Variants in AKAP8L observed in about 807,000 individuals in gnomAD.
AKAP8L encodes the protein A-kinase anchor protein 8-like.
AKAP8L carries 34 observed loss-of-function variants against 77.5 expected under a neutral mutation model. The ratio of observed to expected loss-of-function variants is 0.44; its 90% CI spans 0.33 to 0.58. The LOEUF (loss-of-function observed/expected upper bound fraction) is 0.58. AKAP8L is among the 20% of genes least tolerant of loss of function. AKAP8L has a pLI of 0.02. For synonymous variants in AKAP8L, 342 were observed against 340.7 expected (o/e 1.00, Z -0.04); for missense variants, 806 against 887.6 (o/e 0.91, Z 1.17).
At chr19:15,414,936 C>G (rs1301624069) in intron 1 of AKAP8L, among the ~76,000 whole-genome samples, 2 of 152,218 alleles carry the variant, frequency 1.3e-5, no homozygotes, top group Non-Finnish European at 2.9e-5. Flanking sequence ...ATAGCTGGGA[C>G]TATAGCCACG....
At chr19:15,390,851 T>C (rs1394978076) in intron 12 of AKAP8L, among the ~76,000 whole-genome samples, 1 of 152,166 alleles carries the variant, frequency 6.6e-6, no homozygotes, top group Non-Finnish European at 1.5e-5. Context: ...AGAAAAAGCA[T>C]TTGACAAAGT....
Position 15,380,389 on chromosome 19 carries a change from C to T in AKAP8L, c.1674G>A (p.Glu558=), listed in dbSNP as rs1967379293. The T allele has an allele frequency of 6.3e-7, 1 of 1,584,568 alleles. No homozygotes were observed. Among genetic ancestry groups the T allele is most frequent in the East Asian group, 2.3e-5 (1 of 43,696 alleles). Reference sequence around the variant, plus strand: ...GGGCACCGCCCTCAGCCTCCTCCTGCTCCTTCTCCTCCTCGGGGCTGTCGG... The same window carrying T: ...GGGCACCGCCCTCAGCCTCCTCCTGTTCCTTCTCCTCCTCGGGGCTGTCGG... ...PFTDSPEEEK[E]QEEAEGGALD... is the part of the protein sequence containing the mutation. The change falls in exon 14 of 14, where the codon GAG becomes GAA. Residue 558 remains glutamate (E), a synonymous_variant. Coordinates refer to ENST00000397410, the MANE Select transcript of AKAP8L (RefSeq NM_014371.4).
At chr19:15,383,870 C>T (rs551185175) in intron 12 of AKAP8L, 2 of 150,484 alleles carry the variant, frequency 1.3e-5, no homozygotes, top group East Asian at 2.0e-4. Flanking sequence ...TTTTGTTTCA[C>T]TATTAAATTG....
chr19:15,396,775 CTT>C (rs1473972573), intron 12 of AKAP8L, among the ~76,000 whole-genome samples: 4 of 152,178 alleles, frequency 2.6e-5, no homozygotes, highest in Non-Finnish European at 5.9e-5. Context: ...ACACTTGAAA[CTT>C]AACTGCCTAC....
At chr19:15,412,552 C>G (rs1225288779) in intron 1 of AKAP8L, among the ~76,000 whole-genome samples, 1 of 152,070 alleles carries the variant, frequency 6.6e-6, no homozygotes, top group African/African-American at 2.4e-5. Flanking sequence ...GTTAGAAATA[C>G]ATATATATTT....
In AKAP8L at chr19:15,384,353, G is replaced by A. The variant is rs1052771743; in HGVS notation, c.1537-3741C>T. ...TTGCTCTTGTTGCCCAGGCTGGAGT[G>A]CAATGGCGCGATCTTGGCTCACTGC... On this transcript the variant is annotated intron_variant, in intron 12 of 13. Coordinates refer to ENST00000397410, the MANE Select transcript of AKAP8L (RefSeq NM_014371.4). 4.1e-5 allele frequency among the ~76,000 whole-genome samples: 6 copies of A among 145,406 alleles called. No individual in the cohort carries two copies. In the Admixed American group the frequency reaches 4.2e-4, roughly 10 times the overall value.
intron 12 of AKAP8L, among the ~76,000 whole-genome samples, chr19:15,391,810 T>C (rs919028036): frequency 2.0e-5 from 3 of 152,142 alleles, no homozygotes; most frequent in African/African-American, 7.2e-5. Context: ...GTGTTGGGAT[T>C]ACAGGCATGA....
Position 15,399,263 on chromosome 19 carries a change from A to G in AKAP8L, c.1157+39T>C, listed in dbSNP as rs1475864458. ...CCTGCTCTCCTGGCGGCAGCCCCAC[A>G]GCGAGGCAGAGGCAGAGGGGTGGAG... On this transcript the variant is annotated intron_variant, in intron 9 of 13. Transcript: ENST00000397410. This position sits in a 1 kb window ranked among gnomAD's most constrained non-coding sequence, Gnocchi z 6.1. 6.4e-6 allele frequency: 10 copies of G among 1,560,998 alleles called. No individual in the cohort carries two copies. The African/African-American group carries it at 6.8e-5, about 11-fold the overall frequency.
chr19:15,384,093 G>T (rs1057330884), intron 12 of AKAP8L, among the ~76,000 whole-genome samples: 11 of 150,846 alleles, frequency 7.3e-5, no homozygotes, highest in African/African-American at 2.7e-4. Flanking sequence ...CACCCCACCC[G>T]GCTAATTTTT....
In AKAP8L at chr19:15,399,136, G is replaced by A; in HGVS notation, c.1157+166C>T. 5 of 660,528 alleles carry A rather than the reference G, an allele frequency of 7.6e-6. No individual in the cohort carries two copies. Among genetic ancestry groups the A allele is most frequent in the Non-Finnish European group, 1.3e-5 (5 of 380,370 alleles). 40.9% of individuals were successfully genotyped at this position (660,528 alleles called of 1,614,324 possible). A position where few individuals can be genotyped will look rare whatever the true frequency, so the allele number is the denominator to read the frequency against. ...CGCAGAGGGGCAGGGGATGAGTCAG[G>A]CCTTGGGAGCTGGGCCTGGCGGGAA... On this transcript the variant is annotated intron_variant, in intron 9 of 13. Coordinates refer to ENST00000397410, the MANE Select transcript of AKAP8L (RefSeq NM_014371.4). The surrounding 1 kb of genome is among the most constrained non-coding windows in gnomAD (Gnocchi z 6.1).
chr19:15,418,538 G>A (rs938340977), intron 1 of AKAP8L, among the ~76,000 whole-genome samples: 1 of 152,226 alleles, frequency 6.6e-6, no homozygotes, highest in Non-Finnish European at 1.5e-5. Context: ...CGGCAGCCGA[G>A]CCTGCTGCCT....
chr19:15,388,473 A>G (rs1967586855), intron 12 of AKAP8L, among the ~76,000 whole-genome samples: 1 of 152,198 alleles, frequency 6.6e-6, no homozygotes, highest in South Asian at 2.1e-4. Flanking sequence ...AAACTCAAGT[A>G]GAAGAAGGTA....
intron 12 of AKAP8L, among the ~76,000 whole-genome samples, chr19:15,392,179 T>C (rs1258177701): frequency 6.6e-6 from 1 of 152,214 alleles, no homozygotes; most frequent in East Asian, 1.9e-4. Flanking sequence ...AAACAAATAG[T>C]TCAGTGAGGT....
intron 2 of AKAP8L, among the ~76,000 whole-genome samples, chr19:15,407,050 G>A (rs1968015574): frequency 6.6e-6 from 1 of 152,054 alleles, no homozygotes; most frequent in Non-Finnish European, 1.5e-5. Flanking sequence ...GAGCCCAGGA[G>A]TTTGAGACCA....
At chr19:15,389,941 C>T (rs1474124833) in intron 12 of AKAP8L, among the ~76,000 whole-genome samples, 4 of 151,728 alleles carry the variant, frequency 2.6e-5, no homozygotes, top group African/African-American at 4.8e-5. Context: ...GACTTCTCAG[C>T]GGGGCACGGT....
At position 15,403,844 on chromosome 19, in the gene AKAP8L, T is replaced by C. The variant is rs772331164; in HGVS notation, c.122-129A>G. 4 of 1,076,946 alleles carry C rather than the reference T, an allele frequency of 3.7e-6. No individual in the cohort carries two copies. The highest frequency in any genetic ancestry group is 4.1e-4 in the Middle Eastern group (2 of 4,840). The allele number at this position is 1,076,946 out of a possible 1,614,324, so 66.7% of individuals were successfully genotyped here. Reference sequence around the variant, plus strand: ...GAGAGAAGACCCTAGCCACTGAAGCTAGATGGGCCCTGGTCATTCTGATGA... The same window carrying C: ...GAGAGAAGACCCTAGCCACTGAAGCCAGATGGGCCCTGGTCATTCTGATGA... On this transcript the variant is annotated intron_variant, in intron 3 of 13. Transcript: ENST00000397410. This position sits in a 1 kb window ranked among gnomAD's most constrained non-coding sequence, Gnocchi z 4.3.
rs1411979505 is a variant in AKAP8L at position 15,398,058 on chromosome 19, G to A, written c.1158-203C>T. The A allele has an allele frequency of 1.1e-5, 7 of 609,602 alleles. No individual in the cohort carries two copies. The highest frequency in any genetic ancestry group is 1.1e-5 in the Non-Finnish European group (4 of 349,598). The allele number at this position is 609,602 out of a possible 1,614,324, so 37.8% of individuals were successfully genotyped here. On this transcript the variant is annotated intron_variant, in intron 9 of 13. Transcript: ENST00000397410. The surrounding 1 kb of genome is among the most constrained non-coding windows in gnomAD (Gnocchi z 9.2). ...GTCTGCAGGCTGCAGTTACTGCAAC[G>A]TAGGGGACAGGGGAGGAGCTCTTCC... is the stretch of plus-strand genomic sequence containing the variant.
chr19:15,412,708 A>AT (rs1405741059), intron 1 of AKAP8L, among the ~76,000 whole-genome samples: 1 of 151,978 alleles, frequency 6.6e-6, no homozygotes, highest in Non-Finnish European at 1.5e-5. Context: ...TGTCCGGCTG[A>AT]TTTTTTTGTA....
chr19:15,395,143 C>T (rs987002849), intron 12 of AKAP8L, among the ~76,000 whole-genome samples: 1 of 152,086 alleles, frequency 6.6e-6, no homozygotes, highest in African/African-American at 2.4e-5. Flanking sequence ...CATTCTCCCA[C>T]CTCAGCCTCC....
Sources: allele counts gnomAD v4.1 joint callset (sites outside exome capture counted in the v4.1 genomes callset), GRCh38; gene constraint gnomAD v4.1.1; non-coding constraint Gnocchi (gnomAD v3.1); transcripts MANE v1.5; gene names NCBI Gene and HGNC (gene_info 2026-07-23, HGNC 2026-07-21).